The following NUCB2 variants were observed in gnomAD, a reference collection of about 807,000 sequenced individuals.
The protein encoded by NUCB2 is nucleobindin-2.
A neutral mutation model predicts 57.9 loss-of-function variants in NUCB2; 48 were observed. That is an observed-to-expected ratio of 0.83 (90% confidence interval 0.66 to 1.05). The LOEUF (loss-of-function observed/expected upper bound fraction) is 1.05. NUCB2 is among the 50% of genes least tolerant of loss of function. NUCB2 has a pLI of 0.00. For synonymous variants in NUCB2, 139 were observed against 152.1 expected (o/e 0.91, Z 0.64); for missense variants, 442 against 476.2 (o/e 0.93, Z 0.67).
At chr11:17,305,073 C>T (rs1037081762) in intron 5 of NUCB2, among the ~76,000 whole-genome samples, 1 of 152,238 alleles carries the variant, frequency 6.6e-6, no homozygotes, top group African/African-American at 2.4e-5. Flanking sequence ...CCTGTAATCC[C>T]AGCACTTGGG....
chr11:17,307,084 T>A (rs1036016155), intron 5 of NUCB2, among the ~76,000 whole-genome samples: 1 of 152,154 alleles, frequency 6.6e-6, no homozygotes, highest in African/African-American at 2.4e-5. Context: ...TTATTCTTTT[T>A]ATTGAAATGG....
chr11:17,305,397 A>T lies in NUCB2; in HGVS notation c.379+3527A>T, dbSNP rs571791120. Among the ~76,000 whole-genome samples the T allele has an allele frequency of 4.6e-5, 7 of 152,250 alleles. No individual in the cohort carries two copies. In the South Asian group the frequency reaches 1.4e-3, roughly 32 times the overall value. The stretch of plus-strand genomic sequence containing the variant: ...CTGAAAAAGAACAATAAAGGACTAG[A>T]TATTAGAAATTGAATCTTTAATATC... On this transcript the variant is annotated intron_variant, in intron 5 of 13. Transcript: ENST00000529010.
chr11:17,291,903 A>G (rs1306607198), intron 2 of NUCB2, among the ~76,000 whole-genome samples: 1 of 152,086 alleles, frequency 6.6e-6, no homozygotes, highest in African/African-American at 2.4e-5. Context: ...CAGGCCTGCT[A>G]TTTGCTTTAC....
At chr11:17,316,082 C>T (rs925689433) in intron 11 of NUCB2, among the ~76,000 whole-genome samples, 1 of 152,042 alleles carries the variant, frequency 6.6e-6, no homozygotes, top group Non-Finnish European at 1.5e-5. Flanking sequence ...AAGCAATTCT[C>T]TGCCTCAGCC....
At chr11:17,291,776 A>G (rs1944984754) in intron 2 of NUCB2, among the ~76,000 whole-genome samples, 1 of 152,106 alleles carries the variant, frequency 6.6e-6, no homozygotes, top group Non-Finnish European at 1.5e-5. Flanking sequence ...ATAATGTTCC[A>G]TATTTTGTTT....
intron 4 of NUCB2, among the ~76,000 whole-genome samples, chr11:17,298,745 C>CTGGA (rs1946242477): frequency 6.6e-6 from 1 of 151,494 alleles, no homozygotes. Flanking sequence ...GTCACCCAGG[C>CTGGA]TGGAGTACAG....
At chr11:17,287,659 C>T (rs937954849) in intron 2 of NUCB2, among the ~76,000 whole-genome samples, 1 of 94,512 alleles carries the variant, frequency 1.1e-5, no homozygotes, top group Non-Finnish European at 1.9e-5. Flanking sequence ...GGCAACAGAG[C>T]AAAACTCCAC....
intron 6 of NUCB2, among the ~76,000 whole-genome samples, chr11:17,310,319 CT>C (rs1248335729): frequency 6.6e-6 from 1 of 151,094 alleles, no homozygotes; most frequent in African/African-American, 2.4e-5. Flanking sequence ...CTTTTAGTTT[CT>C]TTGAATACTC....
intron 2 of NUCB2, among the ~76,000 whole-genome samples, chr11:17,283,831 A>G (rs1943148073): frequency 6.6e-6 from 1 of 152,246 alleles, no homozygotes; most frequent in Non-Finnish European, 1.5e-5. Context: ...TTGAAAGTAA[A>G]TATAATTCAT....
chr11:17,345,252 G>A (rs1470661698), intron 2 of NUCB2, among the ~76,000 whole-genome samples: 1 of 151,724 alleles, frequency 6.6e-6, no homozygotes, highest in Non-Finnish European at 1.5e-5. Context: ...AACCAGTGCT[G>A]TGTAATCCAT....
At chr11:17,287,566 A>G (rs1472156003) in intron 2 of NUCB2, among the ~76,000 whole-genome samples, 3 of 150,762 alleles carry the variant, frequency 2.0e-5, no homozygotes, top group Admixed American at 1.3e-4. Context: ...CTAGCTACTC[A>G]GGAGGCTGAG....
chr11:17,329,970 A>G (rs1232436711), intron 11 of NUCB2, among the ~76,000 whole-genome samples, 157 bp from the exon 12 acceptor site: 4 of 152,190 alleles, frequency 2.6e-5, no homozygotes, highest in Non-Finnish European at 5.9e-5. Flanking sequence ...AAATGAGTAC[A>G]TAAATATATA....
chr11:17,281,803 A>G (rs1430957606), intron 1 of NUCB2, among the ~76,000 whole-genome samples: 1 of 152,126 alleles, frequency 6.6e-6, no homozygotes, highest in Non-Finnish European at 1.5e-5. Flanking sequence ...TAAATATACC[A>G]TATGTAAAAC....
chr11:17,288,926 CACACACACACACACACACACACACATAT>C lies in NUCB2; in HGVS notation c.-1+5985_-1+6012del, dbSNP rs1565376688. Among the ~76,000 whole-genome samples, 10 of 90,244 alleles carry C rather than the reference CACACACACACACACACACACACACATAT, an allele frequency of 1.1e-4. No individual in the cohort carries two copies. In the East Asian group the frequency reaches 1.2e-3, roughly 10 times the overall value. The allele number at this position is 90,244 out of a possible 152,430, so 59.2% of individuals were successfully genotyped here. On this transcript the variant is annotated intron_variant, in intron 2 of 13. Coordinates refer to ENST00000529010, the MANE Select transcript of NUCB2 (RefSeq NM_005013.4). The stretch of plus-strand genomic sequence containing the variant: ...ACACACACACACACACACACACACA[CACACACACACACACACACACACACATAT>C]ATATATATATTTTTTTTTTTTGAGA...
chr11:17,299,387 C>T (rs1188115091), intron 4 of NUCB2, among the ~76,000 whole-genome samples: 3 of 152,114 alleles, frequency 2.0e-5, no homozygotes, highest in Non-Finnish European at 4.4e-5. Flanking sequence ...TGACTATTCT[C>T]TCCTTGAAAT....
intron 7 of NUCB2, 52 bp from the exon 8 acceptor site, chr11:17,311,141 G>A (rs1490831006): frequency 1.4e-6 from 2 of 1,481,192 alleles, no homozygotes; most frequent in African/African-American, 2.8e-5. Flanking sequence ...TTTTGAGTCT[G>A]TACAGATAGA....
chr11:17,289,836 C>T (rs1944625812), intron 2 of NUCB2, among the ~76,000 whole-genome samples: 1 of 152,128 alleles, frequency 6.6e-6, no homozygotes, highest in African/African-American at 2.4e-5. Flanking sequence ...GTCAGAATTT[C>T]CTGTTGACTA....
Position 17,306,714 on chromosome 11 carries a change from C to G in NUCB2, c.380-2858C>G, listed in dbSNP as rs533897885. 1.3e-4 allele frequency among the ~76,000 whole-genome samples: 20 copies of G among 151,952 alleles called. 1 individual carries two copies. On this transcript the variant is annotated intron_variant, in intron 5 of 13. Transcript: ENST00000529010. ...GGTGGATCACCTGAGGTCAGGAGTTCGAGACCAGCCTGGCCAACATGGCAA... is the reference window on the plus strand; with the variant it reads ...GGTGGATCACCTGAGGTCAGGAGTTGGAGACCAGCCTGGCCAACATGGCAA...
chr11:17,313,422 C>T (rs1391984765), intron 10 of NUCB2, among the ~76,000 whole-genome samples: 1 of 151,950 alleles, frequency 6.6e-6, no homozygotes, highest in Non-Finnish European at 1.5e-5. Flanking sequence ...CCCAGCTACT[C>T]GGGAGGCTGA....
Sources: gnomAD v4.1 joint callset for allele counts (sites outside exome capture counted in the v4.1 genomes callset) on GRCh38, gnomAD v4.1.1 for gene constraint, MANE v1.5 for transcripts, NCBI Gene and HGNC (gene_info 2026-07-23, HGNC 2026-07-21) for gene names.